TAFA2: variants seen among roughly 807,000 people sequenced by gnomAD.
TAFA2 encodes the protein TAFA chemokine like family member 2.
In TAFA2, 7 loss-of-function variants were observed where a neutral mutation model predicts 18.8. That is an observed-to-expected ratio of 0.37 (90% CI 0.21 to 0.70). The LOEUF (loss-of-function observed/expected upper bound fraction) is 0.70, where lower values mean the gene tolerates loss of function less well. Ranked by LOEUF, TAFA2 falls within the 30% of genes least tolerant of loss-of-function variation. TAFA2 has a pLI of 0.53. For missense variants in TAFA2, 122 were observed against 158.1 expected, an observed-to-expected ratio of 0.77 and a Z score of 1.23; for synonymous variants, 60 against 54.2, an observed-to-expected ratio of 1.11 and a Z score of -0.47.
At chr12:61,986,452 C>T (rs1879821965) in intron 1 of TAFA2, among the ~76,000 whole-genome samples, 2 of 151,704 alleles carry the variant, frequency 1.3e-5, no homozygotes, top group South Asian at 4.2e-4. Flanking sequence ...GCATGCACCA[C>T]CACACCCAGC....
intron 2 of TAFA2, among the ~76,000 whole-genome samples, chr12:61,790,890 G>T (rs1870948507): frequency 6.6e-6 from 1 of 151,638 alleles, no homozygotes; most frequent in African/African-American, 2.4e-5. Flanking sequence ...AACCACAAAA[G>T]ACCCTGAATA....
intron 1 of TAFA2, among the ~76,000 whole-genome samples, chr12:62,026,754 A>G (rs1405292420): frequency 6.6e-6 from 1 of 152,150 alleles, no homozygotes; most frequent in East Asian, 1.9e-4. Flanking sequence ...TATGATAAAT[A>G]TTTTGGGGAT....
intron 1 of TAFA2, among the ~76,000 whole-genome samples, chr12:61,872,410 G>A (rs1481180140): frequency 1.3e-5 from 2 of 151,908 alleles, no homozygotes; most frequent in African/African-American, 2.4e-5. Context: ...GACAAATCTC[G>A]AAAAAAATTC....
chr12:61,983,283 A>G (rs949910578), intron 1 of TAFA2, among the ~76,000 whole-genome samples: 5 of 152,234 alleles, frequency 3.3e-5, no homozygotes, highest in African/African-American at 1.2e-4. Context: ...TACCATTTAC[A>G]GTATCAGTGA....
chr12:62,103,747 GA>G (rs112510582), intron 1 of TAFA2, among the ~76,000 whole-genome samples: 1,372 of 123,856 alleles, frequency 0.011, 11 homozygotes, highest in African/African-American at 0.032. Flanking sequence ...TTCTCAAAAA[GA>G]AAAAAAAAAA....
chr12:61,924,133 A>T (rs1309331633), intron 1 of TAFA2, among the ~76,000 whole-genome samples: 1 of 152,108 alleles, frequency 6.6e-6, no homozygotes, highest in African/African-American at 2.4e-5. Flanking sequence ...TGAAAGTGAC[A>T]GGGAGAAAGG....
At chr12:62,176,916 C>T (rs555762250) in intron 1 of TAFA2, among the ~76,000 whole-genome samples, 1 of 152,298 alleles carries the variant, frequency 6.6e-6, no homozygotes, top group South Asian at 2.1e-4. Flanking sequence ...GAAGGCAGAA[C>T]ATCTGATTCA....
chr12:62,199,541 A>G, intron 1 of TAFA2, among the ~76,000 whole-genome samples: 1 of 151,766 alleles, frequency 6.6e-6, no homozygotes, highest in East Asian at 1.9e-4. Flanking sequence ...ACATGATCTC[A>G]TTCCTTTTTA....
chr12:61,948,435 A>G (rs1878354869), intron 1 of TAFA2, among the ~76,000 whole-genome samples: 1 of 152,164 alleles, frequency 6.6e-6, no homozygotes, highest in Non-Finnish European at 1.5e-5. Flanking sequence ...AATGTTGTTC[A>G]TAGAAGTATA....
intron 4 of TAFA2, among the ~76,000 whole-genome samples, chr12:61,727,992 G>T (rs1870251137): frequency 1.4e-5 from 2 of 146,902 alleles, no homozygotes; most frequent in Admixed American, 1.4e-4. Flanking sequence ...TTCAGGAGCG[G>T]ATTACTTAAT....
At chr12:62,127,611 T>C (rs1870516726) in intron 1 of TAFA2, among the ~76,000 whole-genome samples, 1 of 152,060 alleles carries the variant, frequency 6.6e-6, no homozygotes, top group South Asian at 2.1e-4. Context: ...TGGACGTACT[T>C]TGAACTTCAC....
intron 1 of TAFA2, among the ~76,000 whole-genome samples, chr12:62,202,971 C>T (rs972680425): frequency 6.6e-6 from 1 of 151,898 alleles, no homozygotes; most frequent in African/African-American, 2.4e-5. Flanking sequence ...GGACTAAAGG[C>T]ACATGCCAAC....
intron 1 of TAFA2, among the ~76,000 whole-genome samples, chr12:62,061,831 T>C (rs759319834): frequency 1.3e-4 from 20 of 152,270 alleles, no homozygotes; most frequent in Non-Finnish European, 1.9e-4. Context: ...TTTGAAGACA[T>C]ATTAGTGGAT....
chr12:62,221,250 G>GAAGT, intron 1 of TAFA2, among the ~76,000 whole-genome samples: 1 of 150,222 alleles, frequency 6.7e-6, no homozygotes, highest in Non-Finnish European at 1.5e-5. Context: ...AGGAAGGAAG[G>GAAGT]AAGGAAGGAA....
At chr12:62,196,575 G>A (rs961079501), upstream of TAFA2, among the ~76,000 whole-genome samples, 1 of 152,102 alleles carries the variant, frequency 6.6e-6, no homozygotes, top group African/African-American at 2.4e-5. Flanking sequence ...GAGGGAGTTG[G>A]GGGAACAGCC....
At chr12:62,061,374 T>C (rs373034496) in intron 1 of TAFA2, among the ~76,000 whole-genome samples, 1 of 152,240 alleles carries the variant, frequency 6.6e-6, no homozygotes, top group African/African-American at 2.4e-5. Flanking sequence ...TACAGTAACA[T>C]GATGTACATG....
chr12:61,838,382 ACT>A (rs1242262606), intron 2 of TAFA2, among the ~76,000 whole-genome samples: 2 of 151,966 alleles, frequency 1.3e-5, no homozygotes, highest in African/African-American at 4.8e-5. Flanking sequence ...AGTTTCTGTA[ACT>A]CTCAACCCAA....
intron 1 of TAFA2, among the ~76,000 whole-genome samples, chr12:62,178,155 C>T (rs1399111762): frequency 3.3e-5 from 5 of 152,010 alleles, no homozygotes; most frequent in African/African-American, 1.2e-4. Flanking sequence ...GAAAAATTAG[C>T]CAGGCATGGT....
chr12:61,961,597 T>C (rs1287692939), intron 1 of TAFA2, among the ~76,000 whole-genome samples: 1 of 151,972 alleles, frequency 6.6e-6, no homozygotes, highest in Non-Finnish European at 1.5e-5. Context: ...AAGCTATAGC[T>C]TAAAGAGGAT....
Sources: allele counts gnomAD v4.1 joint callset (sites outside exome capture counted in the v4.1 genomes callset), GRCh38; gene constraint gnomAD v4.1.1; transcripts MANE v1.5; gene names NCBI Gene and HGNC (gene_info 2026-07-23, HGNC 2026-07-21).